The following PLXDC1 variants were observed in gnomAD, a reference collection of about 807,000 sequenced individuals.
PLXDC1 encodes the protein plexin domain containing 1.
Under a neutral mutation model 61.3 loss-of-function variants are expected in PLXDC1, and 39 were observed. That is an observed-to-expected ratio of 0.64 (90% CI 0.49 to 0.83). The LOEUF (loss-of-function observed/expected upper bound fraction) is 0.83, where lower values mean the gene tolerates loss of function less well. PLXDC1 is among the 40% of genes least tolerant of loss of function. The pLI is 0.00. For missense variants in PLXDC1, 596 were observed against 666.5 expected (o/e 0.89, Z 1.17); for synonymous variants, 212 against 254.5 (o/e 0.83, Z 1.59).
chr17:39,143,853 C>G (rs550490124), intron 1 of PLXDC1, among the ~76,000 whole-genome samples: 46 of 152,260 alleles, frequency 3.0e-4, no homozygotes, highest in South Asian at 6.2e-4. Flanking sequence ...GGCAGCCTGC[C>G]CACTGCCCAG....
intron 2 of PLXDC1, among the ~76,000 whole-genome samples, chr17:39,117,829 C>T (rs1911026787): frequency 2.0e-5 from 3 of 152,204 alleles, no homozygotes; most frequent in Admixed American, 1.3e-4. Flanking sequence ...AATCTGTCCA[C>T]ATGCCCAGGG....
rs189940015 is a variant in PLXDC1 at position 39,150,559 on chromosome 17, T to G, written c.76+803A>C. 2.6e-5 allele frequency among the ~76,000 whole-genome samples: 4 copies of G among 152,104 alleles called. No individual in the cohort carries two copies. The East Asian group carries it at 7.7e-4, about 29-fold the overall frequency. On this transcript the variant is annotated intron_variant, in intron 1 of 13. Coordinates refer to ENST00000315392, the MANE Select transcript of PLXDC1 (RefSeq NM_020405.5). ...TAGGGGAGAACAGAGACTATGAAAA[T>G]TATACCATGAGGGATTCCAGGTAGA...
At chr17:39,100,286 C>A (rs886795960) in intron 7 of PLXDC1, among the ~76,000 whole-genome samples, 1 of 152,126 alleles carries the variant, frequency 6.6e-6, no homozygotes, top group East Asian at 1.9e-4. Context: ...CCAGTGAAAT[C>A]GTGAGTGAGT....
At chr17:39,100,452 C>T (rs1448711050) in intron 7 of PLXDC1, among the ~76,000 whole-genome samples, 3 of 152,102 alleles carry the variant, frequency 2.0e-5, no homozygotes, top group East Asian at 3.9e-4. Flanking sequence ...GATGGGGTTT[C>T]GACATATTGG....
intron 2 of PLXDC1, among the ~76,000 whole-genome samples, chr17:39,125,594 C>T (rs2143815079): frequency 6.6e-6 from 1 of 152,298 alleles, no homozygotes; most frequent in African/African-American, 2.4e-5. Context: ...TTCCCCATCC[C>T]TCATCTGGTC....
At position 39,109,255 on chromosome 17, in the gene PLXDC1, T is replaced by G; in HGVS notation, c.392A>C (p.Gln131Pro). The change falls in exon 3 of 14, where the codon CAG (glutamine) becomes CCG (proline). Residue 131 changes from glutamine to proline, a missense_variant. Coordinates refer to ENST00000315392, the MANE Select transcript of PLXDC1 (RefSeq NM_020405.5). ...IHTILSNTHR[Q>P]ASRVVLSFDF... is the part of the protein sequence containing the mutation. ...GGCGACTGGGGCACTCACCGAAGCC[T>G]GCCGGTGGGTGTTGGAGAGTATTGT... 1 of 1,605,396 alleles carries G rather than the reference T, an allele frequency of 6.2e-7. No individual in the cohort carries two copies. Among genetic ancestry groups the G allele is most frequent in the Non-Finnish European group, 8.5e-7 (1 of 1,174,656 alleles).
chr17:39,096,206 G>A (rs530093209), intron 7 of PLXDC1, among the ~76,000 whole-genome samples: 5 of 152,282 alleles, frequency 3.3e-5, no homozygotes, highest in African/African-American at 7.2e-5. Context: ...CAATAATCAC[G>A]AGTGGAGCCC....
At position 39,069,913 on chromosome 17, in the gene PLXDC1, C is replaced by A. The variant is rs762029006; in HGVS notation, c.1326G>T (p.Leu442=). 1.2e-6 allele frequency: 2 copies of A among 1,613,756 alleles called. No homozygotes were observed. The highest frequency in any genetic ancestry group is 1.7e-6 in the Non-Finnish European group (2 of 1,179,818). ...GGTGGCCATTGATGTAAATTCCAGC[C>A]AGGATGATGGCCGCCACGAGGAGGA... ...LAVLLVAAII[L]AGIYINGHPT... Residue 442 remains leucine, a synonymous_variant, in exon 13 of 14, where the codon CTG becomes CTT. Coordinates refer to ENST00000315392, the MANE Select transcript of PLXDC1 (RefSeq NM_020405.5).
Position 39,079,957 on chromosome 17 carries a change from T to TC in PLXDC1, c.990-794_990-793insG, listed in dbSNP as rs201578426. 5.4e-3 allele frequency: 1,080 copies of TC among 198,606 alleles called. 6 individuals are homozygous for TC. Among genetic ancestry groups the TC allele is most frequent in the East Asian group, 0.029 (216 of 7,410 alleles). 12.3% of individuals were successfully genotyped at this position (198,606 alleles called of 1,614,324 possible). ...CCAAGGGCCAAGGCTTGCCAGGAGCTGTCAGTCTTTCCTTCTGCAGATGCC... is the reference window on the plus strand; with the variant it reads ...CCAAGGGCCAAGGCTTGCCAGGAGCTCGTCAGTCTTTCCTTCTGCAGATGCC... On this transcript the variant is annotated intron_variant, in intron 9 of 13. Coordinates refer to ENST00000315392, the MANE Select transcript of PLXDC1 (RefSeq NM_020405.5).
intron 1 of PLXDC1, among the ~76,000 whole-genome samples, chr17:39,146,467 A>G (rs563692442): frequency 6.6e-6 from 1 of 152,128 alleles, no homozygotes. Flanking sequence ...ACTTGAGTCC[A>G]GGAGTTCGAG....
At chr17:39,088,962 A>T (rs2143483417) in intron 7 of PLXDC1, among the ~76,000 whole-genome samples, 1 of 129,936 alleles carries the variant, frequency 7.7e-6, no homozygotes, top group African/African-American at 2.9e-5. Context: ...AAAAAAAAAA[A>T]AAGAGAGAGA....
rs1426226493 is a variant in PLXDC1, at chr17:39,063,391, A to T, written c.*4449T>A. 1.4e-6 allele frequency: 1 copy of T among 695,562 alleles called. No individual in the cohort carries two copies. Among genetic ancestry groups the T allele is most frequent in the South Asian group, 1.5e-5 (1 of 66,194 alleles). 43.1% of individuals were successfully genotyped at this position (695,562 alleles called of 1,614,324 possible). A position where few individuals can be genotyped will look rare whatever the true frequency, so the allele number is the denominator to read the frequency against. On this transcript the variant is annotated 3_prime_UTR_variant, in exon 14 of 14. Transcript: ENST00000315392. Reference sequence around the variant, plus strand: ...TTTACTTCCAGGGATTTACAGACCAATATAAGTAAACAGCTGGGGTTTCTT... The same window carrying T: ...TTTACTTCCAGGGATTTACAGACCATTATAAGTAAACAGCTGGGGTTTCTT...
intron 2 of PLXDC1, among the ~76,000 whole-genome samples, chr17:39,115,227 G>T (rs890108945): frequency 6.6e-6 from 1 of 152,198 alleles, no homozygotes; most frequent in Non-Finnish European, 1.5e-5. Flanking sequence ...CATCTATTCT[G>T]ACTCAAGGAA....
At chr17:39,079,288 G>T (rs1457896072) in intron 9 of PLXDC1, 124 bp from the exon 10 acceptor site, 9 of 774,404 alleles carry the variant, frequency 1.2e-5, no homozygotes, top group Non-Finnish European at 1.8e-5. Flanking sequence ...GGCTGAGGTA[G>T]TCAGGCACTC....
intron 2 of PLXDC1, among the ~76,000 whole-genome samples, chr17:39,123,174 T>A (rs780132738): frequency 2.6e-5 from 4 of 152,230 alleles, no homozygotes; most frequent in Non-Finnish European, 5.9e-5. Flanking sequence ...AGTTCCCTCA[T>A]CAGTGACCTT....
chr17:39,125,256 C>T (rs1165706134), intron 2 of PLXDC1, among the ~76,000 whole-genome samples: 1 of 152,178 alleles, frequency 6.6e-6, no homozygotes. Flanking sequence ...AAGTATGTCC[C>T]CTGGTATAAC....
intron 2 of PLXDC1, among the ~76,000 whole-genome samples, chr17:39,119,499 C>G (rs1301096783): frequency 1.3e-5 from 2 of 152,148 alleles, no homozygotes; most frequent in Non-Finnish European, 2.9e-5. Context: ...AATGCTGGTA[C>G]TTTGGGAGAC....
At chr17:39,086,678 A>C (rs1373022098) in intron 8 of PLXDC1, among the ~76,000 whole-genome samples, 1 of 151,854 alleles carries the variant, frequency 6.6e-6, no homozygotes, top group Non-Finnish European at 1.5e-5. Flanking sequence ...CCTGGCCGAC[A>C]GAGTGAAACC....
chr17:39,096,063 G>T (rs999635058), intron 7 of PLXDC1, among the ~76,000 whole-genome samples: 1 of 152,234 alleles, frequency 6.6e-6, no homozygotes, highest in Admixed American at 6.5e-5. Context: ...GCCAGAAGAA[G>T]TTAGGAGATG....
Sources: allele counts gnomAD v4.1 joint callset (sites outside exome capture counted in the v4.1 genomes callset), GRCh38; gene constraint gnomAD v4.1.1; transcripts MANE v1.5; gene names NCBI Gene and HGNC (gene_info 2026-07-23, HGNC 2026-07-21).